The following CCDC171 variants were observed in gnomAD, a reference collection of about 807,000 sequenced individuals.
The protein encoded by CCDC171 is coiled-coil domain-containing protein 171.
A neutral mutation model predicts 168.2 loss-of-function variants in CCDC171; 177 were observed. The ratio of observed to expected loss-of-function variants is 1.05; its 90% CI spans 0.93 to 1.19. CCDC171 has a LOEUF of 1.19. Among genes scored for constraint, CCDC171 ranks in the 50% most tolerant of loss-of-function variants. The pLI is 0.00. For synonymous variants in CCDC171, 687 were observed against 540.8 expected, an observed-to-expected ratio of 1.27 and a Z score of -3.75; for missense variants, 1,991 against 1,539.0, an observed-to-expected ratio of 1.29 and a Z score of -4.91.
At chr9:15,905,060 C>T (rs1194275688) in intron 24 of CCDC171, among the ~76,000 whole-genome samples, 16 of 152,162 alleles carry the variant, frequency 1.1e-4, no homozygotes, top group African/African-American at 2.4e-4. Flanking sequence ...TAGACTCCCA[C>T]ACAATAATAA....
intron 25 of CCDC171, among the ~76,000 whole-genome samples, chr9:15,959,173 CT>C (rs1830112619): frequency 1.3e-5 from 2 of 152,110 alleles, no homozygotes; most frequent in African/African-American, 4.8e-5. Flanking sequence ...TGCTGAATAG[CT>C]TTGTGTTTTA....
intron 3 of CCDC171, among the ~76,000 whole-genome samples, chr9:15,577,976 G>A (rs1360971757): frequency 6.6e-6 from 1 of 152,160 alleles, no homozygotes; most frequent in Admixed American, 6.5e-5. Flanking sequence ...CTTCTGTCAT[G>A]CTACTTTGGA....
At chr9:15,969,711 C>T (rs1295378205) in intron 25 of CCDC171, among the ~76,000 whole-genome samples, 1 of 152,108 alleles carries the variant, frequency 6.6e-6, no homozygotes, top group African/African-American at 2.4e-5. Context: ...GAAAATCAGG[C>T]CCCACCATTT....
chr9:15,588,125 C>T (rs1445075830), intron 4 of CCDC171, among the ~76,000 whole-genome samples: 1 of 152,066 alleles, frequency 6.6e-6, no homozygotes, highest in Non-Finnish European at 1.5e-5. Flanking sequence ...ATCCCAGCTA[C>T]TCGGGAGGCT....
chr9:15,653,433 T>G (rs764585454), intron 7 of CCDC171, among the ~76,000 whole-genome samples: 1 of 152,120 alleles, frequency 6.6e-6, no homozygotes. Flanking sequence ...TGAGCCACTG[T>G]GCCTGGCCTA....
At chr9:15,686,765 C>A (rs1489080750) in intron 10 of CCDC171, among the ~76,000 whole-genome samples, 2 of 152,104 alleles carry the variant, frequency 1.3e-5, no homozygotes, top group East Asian at 1.9e-4. Flanking sequence ...CTATTTGAAG[C>A]AAAACCTGAC....
chr9:15,574,041 A>G (rs1248315178), intron 3 of CCDC171, among the ~76,000 whole-genome samples: 1 of 152,200 alleles, frequency 6.6e-6, no homozygotes, highest in Non-Finnish European at 1.5e-5. Context: ...AAATTATCTT[A>G]GGGAAGGAAT....
At chr9:15,745,043 C>G (rs1295914698) in intron 17 of CCDC171, among the ~76,000 whole-genome samples, 3 of 152,144 alleles carry the variant, frequency 2.0e-5, no homozygotes, top group Non-Finnish European at 2.9e-5. Flanking sequence ...TTTGAATCCT[C>G]TGCAGTAAAG....
chr9:15,817,723 C>A (rs866399439), intron 21 of CCDC171, among the ~76,000 whole-genome samples: 1 of 118,902 alleles, frequency 8.4e-6, no homozygotes, highest in African/African-American at 3.2e-5. Context: ...GAGCCCACCA[C>A]AGCTCAAGGA....
chr9:15,941,641 T>C (rs1233956248), intron 25 of CCDC171, among the ~76,000 whole-genome samples: 1 of 152,000 alleles, frequency 6.6e-6, no homozygotes, highest in Non-Finnish European at 1.5e-5. Flanking sequence ...GTGATAACTT[T>C]ATTTAGATTG....
intron 24 of CCDC171, among the ~76,000 whole-genome samples, chr9:15,917,655 A>T (rs2131948138): frequency 6.6e-6 from 1 of 151,858 alleles, no homozygotes; most frequent in Non-Finnish European, 1.5e-5. Context: ...TATATTATTT[A>T]TTCCTTTTAG....
chr9:16,081,810 T>G, the CCDC171 span, among the ~76,000 whole-genome samples: 1 of 152,066 alleles, frequency 6.6e-6, no homozygotes, highest in Non-Finnish European at 1.5e-5. Flanking sequence ...ATGTTGGCTG[T>G]ATTTGTATAA....
chr9:15,727,993 A>C lies in CCDC171; in HGVS notation c.1817A>C (p.Asn606Thr). 1 of 1,613,152 alleles carries C rather than the reference A, an allele frequency of 6.2e-7. No individual in the cohort carries two copies. The change falls in exon 15 of 26, where the codon AAT becomes ACT. Residue 606 changes from asparagine to threonine, a missense_variant. Physicochemically the swap from Asn to Thr is moderately conservative, Grantham distance 65. Transcript: ENST00000380701. ...WSELCAVLQE[N>T]VDALIADLNR... is the part of the protein sequence containing the mutation. ...GAGCTTTGTGCAGTCTTACAGGAGAATGTTGATGCCCTGATTGCAGACCTC... is the reference window on the plus strand; with the variant it reads ...GAGCTTTGTGCAGTCTTACAGGAGACTGTTGATGCCCTGATTGCAGACCTC...
At chr9:16,107,634 A>G in the CCDC171 span, among the ~76,000 whole-genome samples, 1 of 152,220 alleles carries the variant, frequency 6.6e-6, no homozygotes, top group Non-Finnish European at 1.5e-5. Context: ...AACAATATAT[A>G]TACATGTAAG....
intron 4 of CCDC171, among the ~76,000 whole-genome samples, chr9:15,584,167 T>A (rs1444895060): frequency 6.6e-6 from 1 of 152,220 alleles, no homozygotes; most frequent in Non-Finnish European, 1.5e-5. Flanking sequence ...GTGCCCGGCA[T>A]GTTAAGGTAT....
At chr9:15,583,555 A>G (rs1416199581) in intron 4 of CCDC171, among the ~76,000 whole-genome samples, 1 of 152,194 alleles carries the variant, frequency 6.6e-6, no homozygotes, top group Non-Finnish European at 1.5e-5. Flanking sequence ...ATAGAAAACC[A>G]CTTATAAGTG....
chr9:15,879,135 C>G (rs1036447764), intron 24 of CCDC171, among the ~76,000 whole-genome samples: 3 of 152,096 alleles, frequency 2.0e-5, no homozygotes, highest in African/African-American at 7.2e-5. Context: ...TAAAAAAAAT[C>G]ATTTGAAATT....
At chr9:15,875,062 T>A (rs990641174) in intron 24 of CCDC171, 1 of 152,520 alleles carries the variant, frequency 6.6e-6, no homozygotes, top group Admixed American at 6.5e-5. Flanking sequence ...ATCACTTTAG[T>A]TGTAAACATC....
downstream of CCDC171, among the ~76,000 whole-genome samples, chr9:16,064,881 C>G (rs4961637): frequency 0.15 from 22,481 of 152,218 alleles, 1,774 homozygotes; most frequent in Admixed American, 0.21. Flanking sequence ...GGTATTCTAA[C>G]TTCTACTTAT....
Sources: gnomAD v4.1 joint callset for allele counts (sites outside exome capture counted in the v4.1 genomes callset) on GRCh38, gnomAD v4.1.1 for gene constraint, MANE v1.5 for transcripts, NCBI Gene and HGNC (gene_info 2026-07-23, HGNC 2026-07-21) for gene names.